RBMS1: variants seen among roughly 807,000 people sequenced by gnomAD.
The protein encoded by RBMS1 is RNA-binding motif, single-stranded-interacting protein 1.
In RBMS1, 17 loss-of-function variants were observed where a neutral mutation model predicts 62.3. The ratio of observed to expected loss-of-function variants is 0.27; its 90% CI spans 0.19 to 0.41. The LOEUF (loss-of-function observed/expected upper bound fraction) is 0.41, where lower values mean the gene tolerates loss of function less well. Among genes scored for constraint, RBMS1 ranks in the 10% least tolerant of loss-of-function variants. The probability of loss-of-function intolerance (pLI) is 1.00; values close to 1 mark genes in which losing one functional copy is unlikely to be tolerated. For synonymous variants in RBMS1, 172 were observed against 170.0 expected (o/e 1.01, Z -0.09); for missense variants, 334 against 504.5 (o/e 0.66, Z 3.24).
rs142005236 is a variant in RBMS1 at position 160,387,168 on chromosome 2, C to T, written c.76-19777G>A. The stretch of plus-strand genomic sequence containing the variant: ...TTTCCCCTCTAGCTGTTCAATAGCC[C>T]TATATATGGTTGTCAGTATAGAAGT... On this transcript the variant is annotated intron_variant, in intron 1 of 13. Coordinates refer to ENST00000348849, the MANE Select transcript of RBMS1 (RefSeq NM_016836.4). 2.5e-3 allele frequency among the ~76,000 whole-genome samples: 377 copies of T among 152,190 alleles called. 3 individuals carry two copies. Among genetic ancestry groups the T allele is most frequent in the Non-Finnish European group, 4.5e-3 (306 of 68,018 alleles).
At chr2:160,344,055 T>C (rs1692039205) in intron 2 of RBMS1, among the ~76,000 whole-genome samples, 1 of 152,130 alleles carries the variant, frequency 6.6e-6, no homozygotes, top group Admixed American at 6.6e-5. Flanking sequence ...ATATGAAAAG[T>C]AATTAGGAAT....
chr2:160,366,527 G>T (rs1693407171), intron 2 of RBMS1, among the ~76,000 whole-genome samples: 3 of 152,138 alleles, frequency 2.0e-5, no homozygotes, highest in Admixed American at 1.3e-4. Flanking sequence ...AGTGCTTCTG[G>T]CTCCTTGTTT....
Position 160,450,573 on chromosome 2 carries a change from A to AC in RBMS1, c.75+42715_75+42716insG, listed in dbSNP as rs1036115035. Among the ~76,000 whole-genome samples the AC allele has an allele frequency of 1.1e-4, 16 of 150,018 alleles. 1 individual carries two copies. Among genetic ancestry groups the AC allele is most frequent in the Admixed American group, 6.7e-5 (1 of 15,012 alleles). On this transcript the variant is annotated intron_variant, in intron 1 of 13. Coordinates refer to ENST00000348849, the MANE Select transcript of RBMS1 (RefSeq NM_016836.4). Reference sequence around the variant, plus strand: ...ATAAAAAATAAAAAATGAAAAAAAAAAAAAAACAAAAAACATTAACCCAGT... The same window carrying AC: ...ATAAAAAATAAAAAATGAAAAAAAAACAAAAAACAAAAAACATTAACCCAGT...
intron 1 of RBMS1, among the ~76,000 whole-genome samples, chr2:160,484,509 AC>A (rs1316832729): frequency 1.3e-5 from 2 of 150,684 alleles, no homozygotes; most frequent in East Asian, 4.0e-4. Flanking sequence ...AACAACAACA[AC>A]AACAAAAAAA....
intron 2 of RBMS1, among the ~76,000 whole-genome samples, chr2:160,356,084 AC>A (rs1235455518): frequency 2.0e-5 from 3 of 151,966 alleles, no homozygotes; most frequent in African/African-American, 7.2e-5. Context: ...TAAGACAGTG[AC>A]CCCTAAAAAA....
At position 160,438,994 on chromosome 2, in the gene RBMS1, G is replaced by A. The variant is rs547495045; in HGVS notation, c.75+54295C>T. 6.6e-3 allele frequency among the ~76,000 whole-genome samples: 976 copies of A among 147,498 alleles called. 14 individuals are homozygous for A. The highest frequency in any genetic ancestry group is 0.023 in the African/African-American group (932 of 39,820). ...CAGAGGCGCCCCTCACCTCCCGGACGGGGCGGCTGGCCAGGCGGGGGGCTG... is the reference window on the plus strand; with the variant it reads ...CAGAGGCGCCCCTCACCTCCCGGACAGGGCGGCTGGCCAGGCGGGGGGCTG... On this transcript the variant is annotated intron_variant, in intron 1 of 13. Coordinates refer to ENST00000348849, the MANE Select transcript of RBMS1 (RefSeq NM_016836.4).
chr2:160,395,919 T>C (rs1024437720), intron 1 of RBMS1, among the ~76,000 whole-genome samples: 2 of 152,176 alleles, frequency 1.3e-5, no homozygotes. Context: ...AAATCCTCTT[T>C]TGTATACAAA....
chr2:160,361,795 C>T (rs1023078146), intron 2 of RBMS1, among the ~76,000 whole-genome samples: 2 of 152,190 alleles, frequency 1.3e-5, no homozygotes, highest in Non-Finnish European at 2.9e-5. Context: ...AGCCACTGCA[C>T]GCCAGCCTGG....
At chr2:160,406,399 G>A (rs1241914794) in intron 1 of RBMS1, among the ~76,000 whole-genome samples, 3 of 152,120 alleles carry the variant, frequency 2.0e-5, no homozygotes, top group South Asian at 2.1e-4. Context: ...CACTGCCATC[G>A]GTCGTGATCT....
In RBMS1 at chr2:160,493,510, C is replaced by T. The variant is rs1685957426; in HGVS notation, c.-147G>A. 6 of 665,364 alleles carry T rather than the reference C, an allele frequency of 9.0e-6. No individual in the cohort carries two copies. Among genetic ancestry groups the T allele is most frequent in the East Asian group, 5.5e-5 (2 of 36,654 alleles). 41.2% of individuals were successfully genotyped at this position (665,364 alleles called of 1,614,324 possible). On this transcript the variant is annotated 5_prime_UTR_variant, in exon 1 of 14. Transcript: ENST00000348849. ...TGCTGCCGCTGCTCCACCTCCCAGCCGGGACCAGACGTCCTCCTCCTCCTC... is the reference window on the plus strand; with the variant it reads ...TGCTGCCGCTGCTCCACCTCCCAGCTGGGACCAGACGTCCTCCTCCTCCTC...
chr2:160,315,556 G>C (rs1690169287), intron 3 of RBMS1, among the ~76,000 whole-genome samples: 1 of 152,200 alleles, frequency 6.6e-6, no homozygotes, highest in African/African-American at 2.4e-5. Flanking sequence ...GCCTTGGCCA[G>C]CAGGAAACAC....
intron 4 of RBMS1, among the ~76,000 whole-genome samples, chr2:160,307,440 A>G (rs1006148784): frequency 2.6e-5 from 4 of 151,528 alleles, no homozygotes; most frequent in East Asian, 1.9e-4. Context: ...CCATCAGGCC[A>G]TAGGAGGAAA....
intron 2 of RBMS1, among the ~76,000 whole-genome samples, chr2:160,324,882 G>GTATGTATATATATATATATATATA (rs1690808529): frequency 1.0e-5 from 1 of 100,016 alleles, no homozygotes; most frequent in African/African-American, 4.2e-5. Context: ...GTGTGTGTGT[G>GTATGTATATATATATATATATATA]TATATATATA....
intron 1 of RBMS1, among the ~76,000 whole-genome samples, chr2:160,417,747 C>A (rs1696261898): frequency 6.6e-6 from 1 of 152,212 alleles, no homozygotes; most frequent in African/African-American, 2.4e-5. Context: ...GAATACACAG[C>A]ATGCAAATGC....
chr2:160,425,333 G>A (rs1218065307), intron 1 of RBMS1, among the ~76,000 whole-genome samples: 1 of 152,132 alleles, frequency 6.6e-6, no homozygotes, highest in Non-Finnish European at 1.5e-5. Flanking sequence ...CTTCCAGCTG[G>A]CTTTTAATTA....
At chr2:160,398,580 G>A (rs1422137451) in intron 1 of RBMS1, among the ~76,000 whole-genome samples, 2 of 152,124 alleles carry the variant, frequency 1.3e-5, no homozygotes, top group Non-Finnish European at 2.9e-5. Flanking sequence ...AAACTGAGCT[G>A]GACACTGCAG....
At chr2:160,333,195 G>A (rs2105985786) in intron 2 of RBMS1, among the ~76,000 whole-genome samples, 1 of 152,112 alleles carries the variant, frequency 6.6e-6, no homozygotes, top group East Asian at 1.9e-4. Flanking sequence ...GAAAGGCAGG[G>A]ATATGAAATG....
chr2:160,459,633 A>G (rs928866859), intron 1 of RBMS1, among the ~76,000 whole-genome samples: 3 of 152,162 alleles, frequency 2.0e-5, no homozygotes, highest in Non-Finnish European at 4.4e-5. Flanking sequence ...ATTATTTCAC[A>G]TGTTACATGG....
At chr2:160,382,921 T>A (rs1225215587) in intron 1 of RBMS1, among the ~76,000 whole-genome samples, 1 of 152,122 alleles carries the variant, frequency 6.6e-6, no homozygotes, top group Non-Finnish European at 1.5e-5. Context: ...TGTAGAGCCA[T>A]CCTAATACAA....
Sources: gnomAD v4.1 joint callset for allele counts (sites outside exome capture counted in the v4.1 genomes callset) on GRCh38, gnomAD v4.1.1 for gene constraint, MANE v1.5 for transcripts, NCBI Gene and HGNC (gene_info 2026-07-23, HGNC 2026-07-21) for gene names.